Variants in PTCHD4 observed in about 807,000 individuals in gnomAD.
PTCHD4 encodes the protein patched domain-containing protein 4.
In PTCHD4, 33 loss-of-function variants were observed where a neutral mutation model predicts 58.1. The ratio of observed to expected loss-of-function variants is 0.57; its 90% confidence interval spans 0.43 to 0.76. The LOEUF (loss-of-function observed/expected upper bound fraction) is 0.76, where lower values mean the gene tolerates loss of function less well. Among genes scored for constraint, PTCHD4 ranks in the 30% least tolerant of loss-of-function variants. PTCHD4 has a pLI of 0.00. For synonymous variants in PTCHD4, 478 were observed against 409.6 expected (o/e 1.17, Z -2.02); for missense variants, 1,058 against 1,027.1 (o/e 1.03, Z -0.41).
intron 4 of PTCHD4, among the ~76,000 whole-genome samples, chr6:47,961,141 G>T (rs184742381): frequency 6.6e-6 from 1 of 151,816 alleles, no homozygotes; most frequent in Admixed American, 6.6e-5. Flanking sequence ...TCTACAAAGC[G>T]TATTCTCTAA....
intron 1 of PTCHD4, among the ~76,000 whole-genome samples, chr6:48,094,265 C>A (rs527635238): frequency 1.3e-5 from 2 of 152,180 alleles, no homozygotes; most frequent in South Asian, 4.1e-4. Context: ...TATTATGGCA[C>A]AACCAGAGGA....
At chr6:47,955,001 A>G (rs1372699017) in intron 4 of PTCHD4, among the ~76,000 whole-genome samples, 1 of 152,206 alleles carries the variant, frequency 6.6e-6, no homozygotes, top group East Asian at 1.9e-4. Flanking sequence ...AGTCTCAGCA[A>G]AAACTAGCCA....
rs1764610251 is a variant in PTCHD4, at chr6:48,061,051, CT to C, written c.417+7178del. Among the ~76,000 whole-genome samples the C allele has an allele frequency of 2.0e-5, 3 of 152,224 alleles. No homozygotes were observed. The South Asian group carries it at 6.2e-4, about 31-fold the overall frequency. ...TACAATGCCACTTTAAAGGTACACT[CT>C]TCTGTAATTTTGTGTTTCATTTTCC... On this transcript the variant is annotated intron_variant, in intron 3 of 4. Transcript: ENST00000339488.
At chr6:47,997,956 C>T (rs944287875) in intron 4 of PTCHD4, among the ~76,000 whole-genome samples, 30 of 151,700 alleles carry the variant, frequency 2.0e-4, no homozygotes, top group Non-Finnish European at 3.7e-4. Context: ...AAGTATATCT[C>T]CCATTTTTCA....
chr6:47,897,764 G>A (rs1384151711), intron 4 of PTCHD4, among the ~76,000 whole-genome samples: 4 of 152,036 alleles, frequency 2.6e-5, no homozygotes, highest in Admixed American at 6.6e-5. Flanking sequence ...ACTACAAAAA[G>A]CCTAGCAAGG....
Position 47,882,741 on chromosome 6 carries a change from G to GATATATAT in PTCHD4, c.899-2813_899-2806dup, listed in dbSNP as rs1554149146. ...TGAATCCATTTCTAATGATTCCAGTGATATATATATATATATTCCTTAAAT... is the reference window on the plus strand; with the variant it reads ...TGAATCCATTTCTAATGATTCCAGTGATATATATATATATATATATATATTCCTTAAAT... On this transcript the variant is annotated intron_variant, in intron 4 of 4. Transcript: ENST00000339488. Among the ~76,000 whole-genome samples, 4 of 102,372 alleles carry GATATATAT rather than the reference G, an allele frequency of 3.9e-5. 1 individual carries two copies. Among genetic ancestry groups the GATATATAT allele is most frequent in the African/African-American group, 6.4e-5 (2 of 31,496 alleles). The allele number at this position is 102,372 out of a possible 152,430, so 67.2% of individuals were successfully genotyped here. A position where few individuals can be genotyped will look rare whatever the true frequency, so the allele number is the denominator to read the frequency against.
rs1173604989 is a variant in PTCHD4, at chr6:47,872,425, G to A, written c.*5878C>T. 1.3e-5 allele frequency among the ~76,000 whole-genome samples: 2 copies of A among 151,550 alleles called. No individual in the cohort carries two copies. Among genetic ancestry groups the A allele is most frequent in the Non-Finnish European group, 3.0e-5 (2 of 67,712 alleles). On this transcript the variant is annotated 3_prime_UTR_variant, in exon 5 of 5. Transcript: ENST00000339488. Reference sequence around the variant, plus strand: ...AGAAAACCGTAATGCTCCTCTATTAGACCATGCCATTAGCTGTTGGGAAAC... The same window carrying A: ...AGAAAACCGTAATGCTCCTCTATTAAACCATGCCATTAGCTGTTGGGAAAC...
At chr6:48,063,179 C>T (rs1764689765) in intron 3 of PTCHD4, among the ~76,000 whole-genome samples, 1 of 152,110 alleles carries the variant, frequency 6.6e-6, no homozygotes, top group Non-Finnish European at 1.5e-5. Flanking sequence ...CTACTTTTAG[C>T]TAATCCTGGA....
intron 3 of PTCHD4, among the ~76,000 whole-genome samples, chr6:48,040,517 T>C (rs1235853788): frequency 1.3e-5 from 2 of 151,960 alleles, no homozygotes; most frequent in Non-Finnish European, 2.9e-5. Flanking sequence ...GCTCCCACAA[T>C]GAGGGTTTAA....
chr6:47,971,053 G>A lies in PTCHD4; in HGVS notation c.898+37581C>T, dbSNP rs148927565. ...GCCAGCCAGTTACACCCAAGCACAA[G>A]CACATAGCTTCCAATATGCTTTCAA... On this transcript the variant is annotated intron_variant, in intron 4 of 4. Coordinates refer to ENST00000339488, the MANE Select transcript of PTCHD4 (RefSeq NM_001384253.1). 5.3e-5 allele frequency among the ~76,000 whole-genome samples: 8 copies of A among 152,252 alleles called. No homozygotes were observed. The East Asian group carries it at 1.5e-3, about 29-fold the overall frequency.
At chr6:47,922,754 CAT>C (rs1765476165) in intron 4 of PTCHD4, among the ~76,000 whole-genome samples, 1 of 152,190 alleles carries the variant, frequency 6.6e-6, no homozygotes. Flanking sequence ...TACAAGGAAA[CAT>C]ATAAGGATTC....
chr6:47,859,636 C>T lies in PTCHD4; in HGVS notation c.*18667G>A, dbSNP rs1165267148. ...ACTGGGCTTATAGCAGTTTACAGAG[C>T]AGAAAAATATCTCTGCCCCCTTAGA... is the stretch of plus-strand genomic sequence containing the variant. On this transcript the variant is annotated 3_prime_UTR_variant, in exon 5 of 5. Transcript: ENST00000339488. Among the ~76,000 whole-genome samples, 1 of 83,508 alleles carries T rather than the reference C, an allele frequency of 1.2e-5. No individual in the cohort carries two copies. 54.8% of individuals were successfully genotyped at this position (83,508 alleles called of 152,430 possible).
At position 47,870,383 on chromosome 6, in the gene PTCHD4, A is replaced by G. The variant is rs1763683336; in HGVS notation, c.*7920T>C. On this transcript the variant is annotated 3_prime_UTR_variant, in exon 5 of 5. Coordinates refer to ENST00000339488, the MANE Select transcript of PTCHD4 (RefSeq NM_001384253.1). ...TGAACCGAACAAGGAAATATTTGGAACATAATTTCCCTTGACTGAGGTATG... is the reference window on the plus strand; with the variant it reads ...TGAACCGAACAAGGAAATATTTGGAGCATAATTTCCCTTGACTGAGGTATG... Among the ~76,000 whole-genome samples, 1 of 151,722 alleles carries G rather than the reference A, an allele frequency of 6.6e-6. No individual in the cohort carries two copies. Among genetic ancestry groups the G allele is most frequent in the Non-Finnish European group, 1.5e-5 (1 of 67,750 alleles).
chr6:48,003,697 C>T (rs1282806221), intron 4 of PTCHD4, among the ~76,000 whole-genome samples: 1 of 152,132 alleles, frequency 6.6e-6, no homozygotes, highest in East Asian at 1.9e-4. Context: ...ATACTTCAAA[C>T]AGCTTTAATT....
At chr6:47,931,031 C>T (rs1367882264) in intron 4 of PTCHD4, among the ~76,000 whole-genome samples, 1 of 152,184 alleles carries the variant, frequency 6.6e-6, no homozygotes, top group Non-Finnish European at 1.5e-5. Flanking sequence ...GTGATCCACC[C>T]GCCTCGGCCT....
At chr6:47,962,366 G>A (rs968820922) in intron 4 of PTCHD4, among the ~76,000 whole-genome samples, 2 of 152,174 alleles carry the variant, frequency 1.3e-5, no homozygotes, top group Non-Finnish European at 2.9e-5. Flanking sequence ...CCTGCAGAAT[G>A]GGAGAAAATA....
intron 3 of PTCHD4, among the ~76,000 whole-genome samples, chr6:48,050,124 T>C (rs1051747266): frequency 6.6e-6 from 1 of 151,982 alleles, no homozygotes; most frequent in African/African-American, 2.4e-5. Context: ...AACATCATAA[T>C]AAAGAGAAAT....
At chr6:48,001,197 A>T (rs1016376713) in intron 4 of PTCHD4, among the ~76,000 whole-genome samples, 7 of 152,206 alleles carry the variant, frequency 4.6e-5, no homozygotes, top group Admixed American at 2.0e-4. Flanking sequence ...TAATTTATAG[A>T]TTCAATGCCA....
intron 4 of PTCHD4, among the ~76,000 whole-genome samples, chr6:47,914,269 G>A (rs1199134360): frequency 5.3e-5 from 8 of 152,112 alleles, no homozygotes; most frequent in African/African-American, 1.4e-4. Context: ...TGACTAGGCT[G>A]CAGGATGTGC....
Sources: allele counts gnomAD v4.1 joint callset (sites outside exome capture counted in the v4.1 genomes callset), GRCh38; gene constraint gnomAD v4.1.1; transcripts MANE v1.5; gene names NCBI Gene and HGNC (gene_info 2026-07-23, HGNC 2026-07-21).